Variants in STARD13 observed in about 807,000 individuals in gnomAD.
STARD13 encodes the protein stAR-related lipid transfer protein 13.
A neutral mutation model predicts 106.4 loss-of-function variants in STARD13; 62 were observed. The observed-to-expected ratio is 0.58, with a 90% CI of 0.48 to 0.72. The LOEUF (loss-of-function observed/expected upper bound fraction) is 0.72, where lower values mean the gene tolerates loss of function less well. Among genes scored for constraint, STARD13 ranks in the 30% least tolerant of loss-of-function variants. The pLI is 0.00. For synonymous variants in STARD13, 565 were observed against 553.0 expected (o/e 1.02, Z -0.31); for missense variants, 1,387 against 1,424.0 (o/e 0.97, Z 0.42).
the STARD13 span, among the ~76,000 whole-genome samples, chr13:33,574,402 T>C: frequency 6.6e-6 from 1 of 152,190 alleles, no homozygotes; most frequent in African/African-American, 2.4e-5. Context: ...TTATAGATAC[T>C]TTCAAATTAG....
chr13:33,430,627 T>C, the STARD13 span, among the ~76,000 whole-genome samples: 1 of 152,236 alleles, frequency 6.6e-6, no homozygotes, highest in East Asian at 1.9e-4. Flanking sequence ...TGCAGTCCCA[T>C]GTTTATTACA....
intron 1 of STARD13, among the ~76,000 whole-genome samples, chr13:33,315,704 AC>A (rs1475288168): frequency 6.6e-6 from 1 of 152,198 alleles, no homozygotes; most frequent in Non-Finnish European, 1.5e-5. Flanking sequence ...GAGTTTAACT[AC>A]CTTTTAATTT....
At chr13:33,229,685 C>T (rs964508820) in intron 1 of STARD13, among the ~76,000 whole-genome samples, 1 of 152,144 alleles carries the variant, frequency 6.6e-6, no homozygotes, top group African/African-American at 2.4e-5. Flanking sequence ...GGTTAATTAG[C>T]AATCAGAAGA....
chr13:33,604,443 A>G, the STARD13 span, among the ~76,000 whole-genome samples: 1 of 152,368 alleles, frequency 6.6e-6, no homozygotes, highest in African/African-American at 2.4e-5. Context: ...CAAATATTTT[A>G]TCAATAGCAA....
chr13:33,315,739 C>T (rs1242641827), intron 1 of STARD13, among the ~76,000 whole-genome samples: 1 of 152,160 alleles, frequency 6.6e-6, no homozygotes, highest in Non-Finnish European at 1.5e-5. Flanking sequence ...CATTCAACAT[C>T]ATCACCATTT....
the STARD13 span, among the ~76,000 whole-genome samples, chr13:33,597,573 C>T: frequency 8.6e-5 from 13 of 151,784 alleles, no homozygotes; most frequent in African/African-American, 1.7e-4. Context: ...CAACCAGGCG[C>T]GGTGGCTCAC....
At chr13:33,146,021 C>CA (rs934265308) in intron 3 of STARD13, among the ~76,000 whole-genome samples, 2 of 151,464 alleles carry the variant, frequency 1.3e-5, no homozygotes, top group South Asian at 2.1e-4. Flanking sequence ...CCTGTCGCTA[C>CA]AAAAAAAATA....
At chr13:33,190,190 C>A (rs549169411) in intron 1 of STARD13, among the ~76,000 whole-genome samples, 1 of 152,174 alleles carries the variant, frequency 6.6e-6, no homozygotes, top group South Asian at 2.1e-4. Context: ...TGCCTGTAAT[C>A]CCAGCACTTT....
At chr13:33,563,146 A>G in the STARD13 span, among the ~76,000 whole-genome samples, 2 of 146,814 alleles carry the variant, frequency 1.4e-5, no homozygotes, top group Non-Finnish European at 3.0e-5. Context: ...AAGAATTAAT[A>G]TTGTTATGAC....
the STARD13 span, among the ~76,000 whole-genome samples, chr13:33,660,253 G>A: frequency 6.6e-6 from 1 of 152,108 alleles, no homozygotes; most frequent in African/African-American, 2.4e-5. Context: ...GTGAGATTCT[G>A]TTTTTCTGAA....
At chr13:33,546,602 GC>G in the STARD13 span, among the ~76,000 whole-genome samples, 1 of 151,866 alleles carries the variant, frequency 6.6e-6, no homozygotes, top group African/African-American at 2.4e-5. Flanking sequence ...TAATGACCAT[GC>G]TCCCTTGTGA....
intron 1 of STARD13, among the ~76,000 whole-genome samples, chr13:33,179,781 G>A (rs114237802): frequency 1.3e-5 from 2 of 152,234 alleles, no homozygotes; most frequent in Admixed American, 6.5e-5. Flanking sequence ...TCTCAGAGCA[G>A]GAGGGGGCAT....
chr13:33,531,329 G>A, the STARD13 span, among the ~76,000 whole-genome samples: 5 of 152,136 alleles, frequency 3.3e-5, no homozygotes, highest in African/African-American at 1.2e-4. Context: ...AAGGCAATCA[G>A]CTCTTTTTAA....
chr13:33,520,004 A>G, the STARD13 span: 1 of 152,182 alleles, frequency 6.6e-6, no homozygotes, highest in Non-Finnish European at 1.5e-5. Context: ...TCCTCTTCTC[A>G]TAGATATCCA....
chr13:33,593,299 C>T, the STARD13 span, among the ~76,000 whole-genome samples: 1 of 152,110 alleles, frequency 6.6e-6, no homozygotes, highest in Non-Finnish European at 1.5e-5. Context: ...ATTCTCCTGC[C>T]TCAGCCTCCG....
the STARD13 span, among the ~76,000 whole-genome samples, chr13:33,385,216 G>A: frequency 9.2e-5 from 2 of 21,694 alleles, no homozygotes; most frequent in South Asian, 2.2e-3. Flanking sequence ...AGAAAGGTTC[G>A]GAATATATAT....
intron 1 of STARD13, among the ~76,000 whole-genome samples, chr13:33,206,445 A>G (rs1887425804): frequency 6.6e-6 from 1 of 152,204 alleles, no homozygotes; most frequent in Non-Finnish European, 1.5e-5. Context: ...AATTCCAAGG[A>G]GAAAACAGAA....
the STARD13 span, among the ~76,000 whole-genome samples, chr13:33,481,551 C>T: frequency 1.3e-5 from 2 of 151,934 alleles, no homozygotes; most frequent in Non-Finnish European, 2.9e-5. Flanking sequence ...TTAGAGAAAA[C>T]ACAATCTAAT....
the STARD13 span, among the ~76,000 whole-genome samples, chr13:33,510,941 A>T: frequency 6.6e-6 from 1 of 152,212 alleles, no homozygotes. Context: ...AGCTAATTAA[A>T]ATAATTTCTA....
Sources: gnomAD v4.1 joint callset for allele counts (sites outside exome capture counted in the v4.1 genomes callset) on GRCh38, gnomAD v4.1.1 for gene constraint, MANE v1.5 for transcripts, NCBI Gene and HGNC (gene_info 2026-07-23, HGNC 2026-07-21) for gene names.